SRGAP3: variants seen among roughly 807,000 people sequenced by gnomAD.
SRGAP3 encodes SLIT-ROBO Rho GTPase activating protein 3, also known as SLIT-ROBO Rho GTPase-activating protein 3.
In SRGAP3, 39 loss-of-function variants were observed where a neutral mutation model predicts 121.1. That is an observed-to-expected ratio of 0.32 (90% CI 0.25 to 0.42). The LOEUF (loss-of-function observed/expected upper bound fraction) is 0.42, where lower values mean the gene tolerates loss of function less well. Ranked by LOEUF, SRGAP3 falls within the 10% of genes least tolerant of loss-of-function variation. The pLI is 1.00. For missense variants in SRGAP3, 1,213 were observed against 1,470.6 expected, an observed-to-expected ratio of 0.82 and a Z score of 2.86; for synonymous variants, 601 against 570.0, an observed-to-expected ratio of 1.05 and a Z score of -0.77.
chr3:9,275,582 GT>G (rs1166708356), intron 3 of SRGAP3, among the ~76,000 whole-genome samples: 2 of 152,186 alleles, frequency 1.3e-5, no homozygotes, highest in Non-Finnish European at 2.9e-5. Context: ...CATGGGGGCA[GT>G]TTCCCCCATA....
chr3:9,311,650 G>A (rs186384532), intron 3 of SRGAP3, among the ~76,000 whole-genome samples: 22 of 152,176 alleles, frequency 1.4e-4, no homozygotes, highest in African/African-American at 3.9e-4. Context: ...TTCTTCCTTC[G>A]ACTTTTTTTC....
intron 1 of SRGAP3, among the ~76,000 whole-genome samples, chr3:9,244,889 G>A (rs2125242428): frequency 6.6e-6 from 1 of 152,304 alleles, no homozygotes; most frequent in African/African-American, 2.4e-5. Flanking sequence ...AAGGCTCCTA[G>A]GCTAGTGTAT....
intron 18 of SRGAP3, among the ~76,000 whole-genome samples, chr3:8,998,235 A>C (rs1426978740): frequency 6.6e-6 from 1 of 152,168 alleles, no homozygotes; most frequent in Non-Finnish European, 1.5e-5. Context: ...TCTTCCCTTT[A>C]CAGGGCCTTT....
At chr3:9,180,176 C>A (rs552952820) in intron 1 of SRGAP3, among the ~76,000 whole-genome samples, 20 of 152,304 alleles carry the variant, frequency 1.3e-4, no homozygotes, top group African/African-American at 4.6e-4. Context: ...GGGGAGGACA[C>A]ATTGTCAGTC....
chr3:9,305,136 T>C (rs904749495), intron 3 of SRGAP3, among the ~76,000 whole-genome samples: 43 of 152,128 alleles, frequency 2.8e-4, no homozygotes, highest in Non-Finnish European at 7.4e-5. Context: ...AGTGAGGGAA[T>C]AGGAGCAGGC....
At chr3:9,283,231 C>T (rs185144756) in intron 3 of SRGAP3, among the ~76,000 whole-genome samples, 76 of 152,262 alleles carry the variant, frequency 5.0e-4, no homozygotes, top group African/African-American at 1.7e-3. Flanking sequence ...CATGAGCCAC[C>T]GCACCAGGCT....
At chr3:9,010,249 A>G (rs1943295309) in intron 18 of SRGAP3, 59 bp downstream of exon 18, 4 of 1,600,868 alleles carry the variant, frequency 2.5e-6, no homozygotes, top group East Asian at 4.5e-5. Context: ...TGGGCTGACA[A>G]AAGTCAGTGT....
At chr3:9,161,206 G>A (rs561873357) in intron 1 of SRGAP3, among the ~76,000 whole-genome samples, 76 of 152,308 alleles carry the variant, frequency 5.0e-4, no homozygotes, top group African/African-American at 1.5e-3. Flanking sequence ...ACTTTGCAAC[G>A]GAGAAACCTG....
intron 1 of SRGAP3, among the ~76,000 whole-genome samples, chr3:9,226,887 C>T (rs1953005029): frequency 6.6e-6 from 1 of 152,178 alleles, no homozygotes; most frequent in Non-Finnish European, 1.5e-5. Flanking sequence ...CCATGAGCAC[C>T]TGCCAGGAAA....
intron 12 of SRGAP3, among the ~76,000 whole-genome samples, chr3:9,030,771 C>T (rs532671914): frequency 6.6e-6 from 1 of 152,296 alleles, no homozygotes; most frequent in East Asian, 1.9e-4. Flanking sequence ...GACTGATCAC[C>T]CATTTCCAAA....
chr3:9,158,568 G>A (rs1950502991), intron 1 of SRGAP3, among the ~76,000 whole-genome samples: 1 of 152,136 alleles, frequency 6.6e-6, no homozygotes, highest in African/African-American at 2.4e-5. Context: ...TTCCAGGTGG[G>A]AAATTATCCC....
At chr3:8,992,694 C>G in intron 20 of SRGAP3, 2 of 670,424 alleles carry the variant, frequency 3.0e-6, no homozygotes, top group South Asian at 1.8e-5. Flanking sequence ...CATGTCTTTC[C>G]TCCTCCTCCT....
intron 1 of SRGAP3, among the ~76,000 whole-genome samples, chr3:9,234,884 C>G (rs557871208): frequency 1.3e-5 from 2 of 152,290 alleles, no homozygotes; most frequent in Non-Finnish European, 2.9e-5. Flanking sequence ...CCTAGACAAG[C>G]CTCTCCCTTT....
chr3:9,139,175 C>T (rs1212925632), intron 1 of SRGAP3, among the ~76,000 whole-genome samples: 1 of 152,204 alleles, frequency 6.6e-6, no homozygotes, highest in African/African-American at 2.4e-5. Context: ...GTGCCTGCCA[C>T]CAAGTTGGTT....
chr3:9,356,210 T>TTTG lies in SRGAP3; in HGVS notation n.214+6629_214+6630insCAA, dbSNP rs1559291019. ...TTTTTTTCTTTTTTTTTTTTTTTTT[T>TTTG]TGAGACAGGATCTCACTGTCACCCA... On this transcript the variant is annotated intron_variant and non_coding_transcript_variant, in intron 1 of 3. Transcript: ENST00000490889. 1.5e-3 allele frequency among the ~76,000 whole-genome samples: 213 copies of TTTG among 139,922 alleles called. 6 individuals are homozygous for TTTG. The highest frequency in any genetic ancestry group is 5.2e-3 in the African/African-American group (180 of 34,728). 91.8% of individuals were successfully genotyped at this position (139,922 alleles called of 152,430 possible). A position where few individuals can be genotyped will look rare whatever the true frequency, so the allele number is the denominator to read the frequency against.
chr3:8,996,947 C>T (rs1942439405), intron 18 of SRGAP3, among the ~76,000 whole-genome samples: 1 of 152,172 alleles, frequency 6.6e-6, no homozygotes, highest in African/African-American at 2.4e-5. Flanking sequence ...CCAGAGCCTC[C>T]AGCAGTCACT....
chr3:9,183,925 C>T (rs1414503694), intron 1 of SRGAP3, among the ~76,000 whole-genome samples: 1 of 152,074 alleles, frequency 6.6e-6, no homozygotes, highest in Non-Finnish European at 1.5e-5. Flanking sequence ...TTTGTGGAGC[C>T]AGTTGTAGCA....
chr3:9,252,409 C>G (rs1260050994), upstream of SRGAP3, among the ~76,000 whole-genome samples: 1 of 152,096 alleles, frequency 6.6e-6, no homozygotes, highest in African/African-American at 2.4e-5. Context: ...GCCACCACAC[C>G]CAACCAAATA....
intron 3 of SRGAP3, among the ~76,000 whole-genome samples, chr3:9,100,861 A>G (rs1948190432): frequency 6.6e-6 from 1 of 152,334 alleles, no homozygotes; most frequent in South Asian, 2.1e-4. Context: ...GTCAGAGAAG[A>G]CCTGAAGCAT....
Sources: gnomAD v4.1 joint callset for allele counts (sites outside exome capture counted in the v4.1 genomes callset) on GRCh38, gnomAD v4.1.1 for gene constraint, MANE v1.5 for transcripts, NCBI Gene and HGNC (gene_info 2026-07-23, HGNC 2026-07-21) for gene names.